MRC1: variants seen among roughly 807,000 people sequenced by gnomAD.
MRC1 encodes macrophage mannose receptor 1.
Under a neutral mutation model 102.9 loss-of-function variants are expected in MRC1, and 62 were observed. The observed-to-expected ratio is 0.60, with a 90% CI of 0.49 to 0.74. MRC1 has a LOEUF of 0.74. Among genes scored for constraint, MRC1 ranks in the 30% least tolerant of loss-of-function variants. MRC1 has a pLI of 0.00. For missense variants in MRC1, 1,237 were observed against 862.8 expected (o/e 1.43, Z -5.43); for synonymous variants, 457 against 298.4 (o/e 1.53, Z -5.48).
At chr10:17,824,563 C>G (rs1039605632) in intron 2 of MRC1, among the ~76,000 whole-genome samples, 3 of 152,050 alleles carry the variant, frequency 2.0e-5, no homozygotes, top group African/African-American at 7.2e-5. Context: ...GAGAAGGGCT[C>G]AGAAATAAGT....
chr10:17,811,600 A>T (rs1838223960), intron 1 of MRC1, among the ~76,000 whole-genome samples: 1 of 151,880 alleles, frequency 6.6e-6, no homozygotes, highest in South Asian at 2.1e-4. Flanking sequence ...TCACTCTGTC[A>T]CCCAGGCTGG....
intron 24 of MRC1, among the ~76,000 whole-genome samples, chr10:17,899,991 G>T (rs1459509765): frequency 1.3e-5 from 2 of 151,664 alleles, no homozygotes; most frequent in East Asian, 3.9e-4. Flanking sequence ...CCAGCTACTT[G>T]GGAGGCAGAG....
At chr10:17,892,230 G>T (rs1378941408) in intron 22 of MRC1, among the ~76,000 whole-genome samples, 1 of 152,138 alleles carries the variant, frequency 6.6e-6, no homozygotes, top group African/African-American at 2.4e-5. Flanking sequence ...TAAGAATCTG[G>T]TAGGACTCAT....
chr10:17,869,341 C>T (rs934811950), intron 12 of MRC1, among the ~76,000 whole-genome samples: 4 of 152,130 alleles, frequency 2.6e-5, no homozygotes, highest in Non-Finnish European at 5.9e-5. Context: ...ACTTAAACAC[C>T]TTTGTCCACA....
rs1833952346 is a variant in MRC1, at chr10:17,910,325, T to C, written c.4231T>C (p.Tyr1411His). The change falls in exon 30 of 30, where the codon TAT becomes CAT. Residue 1411 changes from tyrosine to histidine, a missense_variant. Coordinates refer to ENST00000569591, the MANE Select transcript of MRC1 (RefSeq NM_002438.4). ...TGCTGGCCTTGCCGCCTATTTCTTTTATAAGAAAAGACGTGTGCACCTACC... is the reference window on the plus strand; with the variant it reads ...TGCTGGCCTTGCCGCCTATTTCTTTCATAAGAAAAGACGTGTGCACCTACC... The part of the protein sequence containing the change: ...TGAGLAAYFF[Y>H]KKRRVHLPQE... 3.8e-6 allele frequency: 3 copies of C among 780,884 alleles called. No homozygotes were observed. In the South Asian group the frequency reaches 4.0e-5, roughly 10 times the overall value. 48.4% of individuals were successfully genotyped at this position (780,884 alleles called of 1,614,324 possible).
intron 6 of MRC1, among the ~76,000 whole-genome samples, chr10:17,847,673 C>T (rs929542883): frequency 3.9e-5 from 6 of 152,234 alleles, no homozygotes; most frequent in Non-Finnish European, 5.9e-5. Context: ...GCCACTTAAC[C>T]GCATGTGGCC....
Position 17,861,388 on chromosome 10 carries a change from G to T in MRC1, c.1520G>T (p.Gly507Val), listed in dbSNP as rs1833182031. ...IVEVEKGCRK[G>V]WKKHHFYCYM... Reference sequence around the variant, plus strand: ...TTCACTGCTTGATAACATTAATAGGGCTGGAAAAAACATCACTTTTACTGC... The same window carrying T: ...TTCACTGCTTGATAACATTAATAGGTCTGGAAAAAACATCACTTTTACTGC... The change falls in exon 10 of 30, where the codon GGC (glycine) becomes GTC (valine). Residue 507 changes from glycine (G) to valine (V), a missense_variant and splice_region_variant. Coordinates refer to ENST00000569591, the MANE Select transcript of MRC1 (RefSeq NM_002438.4). 1 of 871,786 alleles carries T rather than the reference G, an allele frequency of 1.1e-6. No individual in the cohort carries two copies. Among genetic ancestry groups the T allele is most frequent in the Non-Finnish European group, 2.0e-6 (1 of 501,024 alleles). The allele number at this position is 871,786 out of a possible 1,614,324, so 54.0% of individuals were successfully genotyped here. A position where few individuals can be genotyped will look rare whatever the true frequency, so the allele number is the denominator to read the frequency against.
At chr10:17,844,505 C>A (rs1262449649) in intron 5 of MRC1, among the ~76,000 whole-genome samples, 1 of 152,222 alleles carries the variant, frequency 6.6e-6, no homozygotes, top group South Asian at 2.1e-4. Flanking sequence ...CAGGCGTGAG[C>A]CACCGTGCCC....
intron 24 of MRC1, among the ~76,000 whole-genome samples, chr10:17,899,085 A>AT (rs1344458408): frequency 2.0e-5 from 3 of 148,884 alleles, no homozygotes; most frequent in African/African-American, 7.5e-5. Context: ...ATGGTAGAAC[A>AT]TAAGGAAGGA....
intron 5 of MRC1, among the ~76,000 whole-genome samples, chr10:17,843,418 A>G (rs1177383705): frequency 6.6e-6 from 1 of 152,216 alleles, no homozygotes; most frequent in Non-Finnish European, 1.5e-5. Context: ...CTGTAATACC[A>G]GCACTTTGGG....
At chr10:17,851,594 G>C (rs1404745210) in intron 7 of MRC1, among the ~76,000 whole-genome samples, 1 of 152,146 alleles carries the variant, frequency 6.6e-6, no homozygotes, top group African/African-American at 2.4e-5. Flanking sequence ...GAAGCTATGG[G>C]GGAGAACAAT....
chr10:17,879,661 C>A, intron 18 of MRC1, 60 bp from the exon 19 acceptor site: 2 of 780,800 alleles, frequency 2.6e-6, no homozygotes, highest in South Asian at 1.3e-5. Context: ...CTGCTCCTGG[C>A]CTGTATCCAA....
rs905790353 is a variant in MRC1 at position 17,840,649 on chromosome 10, T to C, written c.803-44T>C. On this transcript the variant is annotated intron_variant, in intron 4 of 29. Coordinates refer to ENST00000569591, the MANE Select transcript of MRC1 (RefSeq NM_002438.4). ...AATTTAATTTCAACTGTTTTCTGAA[T>C]GCCAAGTTCTTGTTTGTTTGTTTTG... 174 of 777,806 alleles carry C rather than the reference T, an allele frequency of 2.2e-4. No homozygotes were observed. In the African/African-American group the frequency reaches 2.7e-3, roughly 12 times the overall value. The allele number at this position is 777,806 out of a possible 1,614,324, so 48.2% of individuals were successfully genotyped here. A position where few individuals can be genotyped will look rare whatever the true frequency, so the allele number is the denominator to read the frequency against.
At chr10:17,849,485 G>A in intron 6 of MRC1, 94 bp from the exon 7 acceptor site, 3 of 692,880 alleles carry the variant, frequency 4.3e-6, no homozygotes, top group Non-Finnish European at 5.3e-6. Flanking sequence ...GTAACTATAA[G>A]CTGTTTCATG....
rs1027145570 is a variant in MRC1 at position 17,844,002 on chromosome 10, G to A, written c.917-1287G>A. ...GGTTTTTAAATCATATATTAGAGTA[G>A]CAAAACGCATGTGAAATGTATCAAT... is the stretch of plus-strand genomic sequence containing the variant. On this transcript the variant is annotated intron_variant, in intron 5 of 29. Transcript: ENST00000569591. 3.6e-3 allele frequency among the ~76,000 whole-genome samples: 553 copies of A among 152,286 alleles called. 2 individuals are homozygous for A. The highest frequency in any genetic ancestry group is 0.012 in the African/African-American group (519 of 41,546).
intron 8 of MRC1, among the ~76,000 whole-genome samples, chr10:17,853,442 G>GTA (rs1833015134): frequency 6.9e-6 from 1 of 144,014 alleles, no homozygotes; most frequent in Non-Finnish European, 1.6e-5. Flanking sequence ...TATTATAATG[G>GTA]TGTATATATA....
chr10:17,880,103 T>C (rs1833493632), intron 19 of MRC1, among the ~76,000 whole-genome samples: 1 of 152,202 alleles, frequency 6.6e-6, no homozygotes, highest in African/African-American at 2.4e-5. Context: ...TTTGTTTATC[T>C]ATCTCCTTTA....
At chr10:17,882,371 G>A (rs1833532390) in intron 21 of MRC1, among the ~76,000 whole-genome samples, 2 of 151,728 alleles carry the variant, frequency 1.3e-5, no homozygotes, top group Non-Finnish European at 2.9e-5. Context: ...AAATTAGGGG[G>A]CCATTGTTAC....
At chr10:17,817,601 A>C (rs1161714029) in intron 1 of MRC1, among the ~76,000 whole-genome samples, 3 of 152,166 alleles carry the variant, frequency 2.0e-5, no homozygotes, top group Non-Finnish European at 2.9e-5. Flanking sequence ...AGTAAGATCA[A>C]GTTAGGATGG....
Sources: gnomAD v4.1 joint callset for allele counts (sites outside exome capture counted in the v4.1 genomes callset) on GRCh38, gnomAD v4.1.1 for gene constraint, MANE v1.5 for transcripts, NCBI Gene and HGNC (gene_info 2026-07-23, HGNC 2026-07-21) for gene names.